NRG3: variants seen among roughly 807,000 people sequenced by gnomAD.
NRG3 encodes the protein neuregulin 3, also known as pro-neuregulin-3, membrane-bound isoform.
A neutral mutation model predicts 66.9 loss-of-function variants in NRG3; 31 were observed. The observed-to-expected ratio is 0.46, with a 90% CI of 0.35 to 0.63. The LOEUF (loss-of-function observed/expected upper bound fraction) is 0.63. Ranked by LOEUF, NRG3 falls within the 20% of genes least tolerant of loss-of-function variation. NRG3 has a pLI of 0.00. For synonymous variants in NRG3, 393 were observed against 359.4 expected, an observed-to-expected ratio of 1.09 and a Z score of -1.06; for missense variants, 910 against 878.9, an observed-to-expected ratio of 1.04 and a Z score of -0.45.
chr10:81,970,306 C>T (rs1002900913), intron 1 of NRG3, among the ~76,000 whole-genome samples: 2 of 152,192 alleles, frequency 1.3e-5, no homozygotes, highest in East Asian at 1.9e-4. Flanking sequence ...TTATTTGTTA[C>T]TGGCTCTGTG....
At chr10:82,145,357 C>T (rs193290604) in intron 1 of NRG3, among the ~76,000 whole-genome samples, 202 of 152,250 alleles carry the variant, frequency 1.3e-3, no homozygotes, top group African/African-American at 4.6e-3. Flanking sequence ...AGCAGTAAGT[C>T]CCAGCATTTA....
intron 2 of NRG3, among the ~76,000 whole-genome samples, chr10:82,617,138 C>T (rs2048707718): frequency 6.6e-6 from 1 of 151,836 alleles, no homozygotes; most frequent in Non-Finnish European, 1.5e-5. Flanking sequence ...CACATACATG[C>T]ACACACACAC....
intron 2 of NRG3, among the ~76,000 whole-genome samples, chr10:82,661,047 C>G (rs1184321898): frequency 6.6e-6 from 1 of 152,158 alleles, no homozygotes; most frequent in East Asian, 1.9e-4. Flanking sequence ...ATCATGCAGG[C>G]ATACATTAAT....
At chr10:82,612,529 A>T (rs1478617752) in intron 2 of NRG3, among the ~76,000 whole-genome samples, 1 of 152,192 alleles carries the variant, frequency 6.6e-6, no homozygotes, top group African/African-American at 2.4e-5. Flanking sequence ...AGAAAAACAT[A>T]TGGCATTAAT....
intron 1 of NRG3, among the ~76,000 whole-genome samples, chr10:82,103,171 G>A (rs1032700434): frequency 2.0e-5 from 3 of 151,980 alleles, no homozygotes; most frequent in African/African-American, 7.2e-5. Context: ...TGATCTTCCT[G>A]CCTCCATAGT....
chr10:82,982,055 G>A (rs1444612583), intron 8 of NRG3, among the ~76,000 whole-genome samples: 1 of 152,126 alleles, frequency 6.6e-6, no homozygotes, highest in Non-Finnish European at 1.5e-5. Context: ...ATTGAATACT[G>A]GCTTTTCTGA....
At chr10:82,348,477 C>A (rs1473270059) in intron 1 of NRG3, among the ~76,000 whole-genome samples, 55 of 148,854 alleles carry the variant, frequency 3.7e-4, no homozygotes, top group African/African-American at 1.1e-3. Flanking sequence ...GTAACCTGAC[C>A]TTTCTCTCTG....
chr10:82,286,138 C>T (rs971419308), intron 1 of NRG3, among the ~76,000 whole-genome samples: 1 of 151,968 alleles, frequency 6.6e-6, no homozygotes, highest in South Asian at 2.1e-4. Flanking sequence ...GGGTGAGGAG[C>T]GCAGGTAGGA....
At chr10:81,996,968 T>G (rs954622083) in intron 1 of NRG3, among the ~76,000 whole-genome samples, 5 of 152,194 alleles carry the variant, frequency 3.3e-5, no homozygotes, top group African/African-American at 1.2e-4. Flanking sequence ...TATTCTTCCT[T>G]GAAAGTCATG....
At chr10:82,962,564 C>T (rs750372992) in intron 6 of NRG3, among the ~76,000 whole-genome samples, 2 of 152,060 alleles carry the variant, frequency 1.3e-5, no homozygotes, top group African/African-American at 2.4e-5. Flanking sequence ...CTAGGCCAGG[C>T]GCAGTGGCTC....
chr10:81,929,867 G>C (rs1014330447), intron 1 of NRG3, among the ~76,000 whole-genome samples: 2 of 152,126 alleles, frequency 1.3e-5, no homozygotes, highest in African/African-American at 4.8e-5. Context: ...GTGTTTAATT[G>C]GGTTCATTTC....
chr10:82,646,515 T>G (rs778916423), intron 2 of NRG3, among the ~76,000 whole-genome samples: 52 of 152,194 alleles, frequency 3.4e-4, no homozygotes, highest in Non-Finnish European at 5.1e-4. Flanking sequence ...TTTTCAAGTA[T>G]ATGACAAATG....
intron 4 of NRG3, among the ~76,000 whole-genome samples, chr10:82,879,093 T>C (rs1242286203): frequency 6.6e-6 from 1 of 152,236 alleles, no homozygotes; most frequent in Admixed American, 6.5e-5. Flanking sequence ...TTAACTTCTT[T>C]TGTTTCTCCA....
At chr10:82,967,110 G>A (rs951451137) in intron 6 of NRG3, among the ~76,000 whole-genome samples, 3 of 149,570 alleles carry the variant, frequency 2.0e-5, no homozygotes, top group African/African-American at 7.3e-5. Context: ...TCTTTTCTTG[G>A]CCTTCTCAAC....
intron 3 of NRG3, among the ~76,000 whole-genome samples, chr10:82,845,563 T>A (rs148435906): frequency 0.015 from 2,345 of 151,430 alleles, 67 homozygotes; most frequent in African/African-American, 0.054. Flanking sequence ...ATGTTAAAAA[T>A]CTTTATAGGA....
At chr10:81,926,491 C>A (rs1235663505) in intron 1 of NRG3, among the ~76,000 whole-genome samples, 1 of 152,080 alleles carries the variant, frequency 6.6e-6, no homozygotes, top group African/African-American at 2.4e-5. Context: ...ACCCACATAA[C>A]TGAAAACTTT....
intron 2 of NRG3, among the ~76,000 whole-genome samples, chr10:82,624,768 A>C (rs181303400): frequency 1.0e-3 from 151 of 148,064 alleles, no homozygotes; most frequent in African/African-American, 3.6e-3. Context: ...AATGAACCCA[A>C]TGTACCAGGT....
chr10:81,878,164 AG>A, intron 1 of NRG3: 1 of 1,352,684 alleles, frequency 7.4e-7, no homozygotes, highest in Non-Finnish European at 9.8e-7. Context: ...CTGTTTAATA[AG>A]TAATGATTAT....
intron 2 of NRG3, among the ~76,000 whole-genome samples, chr10:82,404,862 C>A (rs1257044923): frequency 6.6e-6 from 1 of 152,104 alleles, no homozygotes; most frequent in Non-Finnish European, 1.5e-5. Flanking sequence ...ATGACATACT[C>A]CTCATTTTGC....
Sources: allele counts gnomAD v4.1 joint callset (sites outside exome capture counted in the v4.1 genomes callset), GRCh38; gene constraint gnomAD v4.1.1; transcripts MANE v1.5; gene names NCBI Gene and HGNC (gene_info 2026-07-23, HGNC 2026-07-21).